Variants in HDAC4 observed in about 807,000 individuals in gnomAD.
The protein encoded by HDAC4 is histone deacetylase A.
HDAC4 carries 16 observed loss-of-function variants against 135.1 expected under a neutral mutation model. The observed-to-expected ratio is 0.12, with a 90% CI of 0.08 to 0.18. HDAC4 has a LOEUF of 0.18. Among genes scored for constraint, HDAC4 ranks in the 10% least tolerant of loss-of-function variants. HDAC4 has a pLI of 1.00. For missense variants in HDAC4, 1,143 were observed against 1,511.8 expected (o/e 0.76, Z 4.05); for synonymous variants, 685 against 653.4 (o/e 1.05, Z -0.74).
intron 2 of HDAC4, among the ~76,000 whole-genome samples, chr2:239,335,411 G>C (rs1691863144): frequency 7.5e-6 from 1 of 133,082 alleles, no homozygotes; most frequent in Non-Finnish European, 1.6e-5. Flanking sequence ...ATGAGTGATA[G>C]AACAATGAAG....
At chr2:239,185,655 C>T (rs1235576247) in intron 4 of HDAC4, among the ~76,000 whole-genome samples, 1 of 152,126 alleles carries the variant, frequency 6.6e-6, no homozygotes, top group African/African-American at 2.4e-5. Flanking sequence ...GCCATGGCTT[C>T]GTGGCCTGTC....
At chr2:239,288,764 G>A (rs1363380689) in intron 2 of HDAC4, among the ~76,000 whole-genome samples, 5 of 152,040 alleles carry the variant, frequency 3.3e-5, no homozygotes, top group African/African-American at 1.2e-4. Context: ...CCTTTATAGA[G>A]AAAATTATAA....
chr2:239,249,564 A>G (rs1180298114), intron 2 of HDAC4, among the ~76,000 whole-genome samples: 1 of 152,096 alleles, frequency 6.6e-6, no homozygotes, highest in Non-Finnish European at 1.5e-5. Flanking sequence ...CCTTTGAATC[A>G]TTACTTTGTG....
At chr2:239,120,315 G>A (rs982898545) in intron 12 of HDAC4, among the ~76,000 whole-genome samples, 4 of 151,954 alleles carry the variant, frequency 2.6e-5, no homozygotes, top group Non-Finnish European at 4.4e-5. Context: ...GTAGGGTGTC[G>A]GGAAGCAGGG....
chr2:239,111,462 C>A, intron 14 of HDAC4, 64 bp downstream of exon 14: 2 of 1,486,136 alleles, frequency 1.3e-6, no homozygotes, highest in Non-Finnish European at 9.2e-7. Flanking sequence ...CGGGAAGAGC[C>A]CCCCGCGCTG....
chr2:239,277,524 A>T (rs1409348134), intron 2 of HDAC4, among the ~76,000 whole-genome samples: 1 of 152,172 alleles, frequency 6.6e-6, no homozygotes, highest in Non-Finnish European at 1.5e-5. Flanking sequence ...CCCATCGCTG[A>T]TCATCACACG....
Position 239,052,041 on chromosome 2 carries a change from G to GC in HDAC4, c.*1055dup, listed in dbSNP as rs1370489943. The GC allele has an allele frequency of 2.6e-5, 4 of 152,544 alleles. No individual in the cohort carries two copies. The highest frequency in any genetic ancestry group is 2.1e-4 in the South Asian group (1 of 4,818). The allele number at this position is 152,544 out of a possible 1,614,324, so 9.4% of individuals were successfully genotyped here. A position where few individuals can be genotyped will look rare whatever the true frequency, so the allele number is the denominator to read the frequency against. The stretch of plus-strand genomic sequence containing the variant: ...TAAAAAGCATTCCGATCGTAACACT[G>GC]CAAGTGTGCCTACCACATGCTTCAC... On this transcript the variant is annotated 3_prime_UTR_variant, in exon 27 of 27. Transcript: ENST00000543185.
intron 5 of HDAC4, among the ~76,000 whole-genome samples, 157 bp from the exon 6 acceptor site, chr2:239,164,080 C>T (rs1005958601): frequency 2.0e-5 from 3 of 152,058 alleles, no homozygotes; most frequent in Non-Finnish European, 4.4e-5. Flanking sequence ...GAACCAAGGC[C>T]GGGAGGGGTT....
In HDAC4 at chr2:239,279,491, T is replaced by C. The variant is rs551030444; in HGVS notation, c.23-42827A>G. Among the ~76,000 whole-genome samples the C allele has an allele frequency of 9.5e-4, 145 of 152,352 alleles. 1 individual carries two copies. The highest frequency in any genetic ancestry group is 2.7e-3 in the African/African-American group (114 of 41,574). On this transcript the variant is annotated intron_variant, in intron 2 of 26. Coordinates refer to ENST00000543185, the MANE Select transcript of HDAC4 (RefSeq NM_001378414.1). ...AGAAAAGCTGGGGTTCAGGCCCGTC[T>C]CTCTGCCTCTGAAGTCTGTCCTCTC...
chr2:239,131,150 G>A (rs757226135), intron 11 of HDAC4, among the ~76,000 whole-genome samples: 3 of 152,232 alleles, frequency 2.0e-5, no homozygotes, highest in Admixed American at 6.5e-5. Context: ...TGTGACTGGC[G>A]AGGAACTGCC....
At chr2:239,072,384 G>C (rs2034288034) in intron 22 of HDAC4, among the ~76,000 whole-genome samples, 1 of 152,202 alleles carries the variant, frequency 6.6e-6, no homozygotes, top group Non-Finnish European at 1.5e-5. Context: ...TGTGCTGTGA[G>C]CTCTGGGGGT....
At chr2:239,296,221 G>A (rs984091875) in intron 2 of HDAC4, among the ~76,000 whole-genome samples, 3 of 151,898 alleles carry the variant, frequency 2.0e-5, no homozygotes, top group Admixed American at 1.3e-4. Context: ...ACACACACAC[G>A]CACATATGCA....
intron 1 of HDAC4, among the ~76,000 whole-genome samples, chr2:239,371,576 C>A (rs1275369149): frequency 6.6e-6 from 1 of 151,996 alleles, no homozygotes; most frequent in African/African-American, 2.4e-5. Flanking sequence ...CAGTGTAACA[C>A]ACCCACAGAC....
At chr2:239,360,338 C>T (rs947455735) in intron 1 of HDAC4, among the ~76,000 whole-genome samples, 1 of 152,190 alleles carries the variant, frequency 6.6e-6, no homozygotes, top group Non-Finnish European at 1.5e-5. Flanking sequence ...GAGACCCCAG[C>T]CCCCGTGTCA....
chr2:239,273,689 G>A (rs2050186816), intron 2 of HDAC4, among the ~76,000 whole-genome samples: 1 of 152,144 alleles, frequency 6.6e-6, no homozygotes, highest in Non-Finnish European at 1.5e-5. Context: ...GAGGGAGGAG[G>A]AACTTGCTCA....
chr2:239,108,190 C>G lies in HDAC4; in HGVS notation c.1979-7G>C, dbSNP rs762045824. 6.3e-7 allele frequency: 1 copy of G among 1,594,650 alleles called. No homozygotes were observed. On this transcript the variant is annotated splice_polypyrimidine_tract_variant and splice_region_variant and intron_variant, in intron 14 of 26. Coordinates refer to ENST00000543185, the MANE Select transcript of HDAC4 (RefSeq NM_001378414.1). ...AGCGTGTCATACACGAGGCCTGGGG[C>G]GGGGCAGAGGGGCCAAGATCAGCGC...
intron 3 of HDAC4, among the ~76,000 whole-genome samples, chr2:239,210,674 T>G (rs528230663): frequency 1.3e-5 from 2 of 152,258 alleles, no homozygotes; most frequent in East Asian, 3.9e-4. Flanking sequence ...CCCTTTATAT[T>G]ATCATAATAA....
Position 239,049,320 on chromosome 2 carries a change from T to G in HDAC4, c.*3777A>C, listed in dbSNP as rs1200902654. The G allele has an allele frequency of 1.3e-5, 2 of 152,552 alleles. No homozygotes were observed. The highest frequency in any genetic ancestry group is 2.9e-5 in the Non-Finnish European group (2 of 68,026). 9.4% of individuals were successfully genotyped at this position (152,552 alleles called of 1,614,324 possible). On this transcript the variant is annotated 3_prime_UTR_variant, in exon 27 of 27. Transcript: ENST00000543185. Reference sequence around the variant, plus strand: ...AATTTCCATCTTTTGTATCTGCAAATGTCATGAGAGGGGAACAGAAAGGCA... The same window carrying G: ...AATTTCCATCTTTTGTATCTGCAAAGGTCATGAGAGGGGAACAGAAAGGCA...
chr2:239,261,749 G>A (rs1456380259), intron 2 of HDAC4, among the ~76,000 whole-genome samples: 1 of 152,142 alleles, frequency 6.6e-6, no homozygotes. Flanking sequence ...GGAAGGGGCA[G>A]CAGTGGGCTG....
Sources: allele counts gnomAD v4.1 joint callset (sites outside exome capture counted in the v4.1 genomes callset), GRCh38; gene constraint gnomAD v4.1.1; transcripts MANE v1.5; gene names NCBI Gene and HGNC (gene_info 2026-07-23, HGNC 2026-07-21).